Variants in SRP68 observed in about 807,000 individuals in gnomAD.
SRP68 encodes the protein signal recognition particle 68, also known as signal recognition particle subunit SRP68.
Under a neutral mutation model 82.2 loss-of-function variants are expected in SRP68, and 15 were observed. The observed-to-expected ratio is 0.18, with a 90% CI of 0.12 to 0.28. The LOEUF is 0.28. SRP68 is among the 10% of genes least tolerant of loss of function. SRP68 has a pLI of 1.00. For missense variants in SRP68, 595 were observed against 780.5 expected, an observed-to-expected ratio of 0.76 and a Z score of 2.83; for synonymous variants, 261 against 292.6, an observed-to-expected ratio of 0.89 and a Z score of 1.10.
At chr17:76,062,800 T>G (rs1439635239) in intron 4 of SRP68, among the ~76,000 whole-genome samples, 2 of 124,714 alleles carry the variant, frequency 1.6e-5, no homozygotes, top group Non-Finnish European at 3.2e-5. Context: ...AGATGGAGTC[T>G]TGCTCTGTCC....
chr17:76,063,961 T>TCAAC lies in SRP68; in HGVS notation c.561+14_561+15insGTTG, dbSNP rs2066788130. 5 of 1,600,562 alleles carry TCAAC rather than the reference T, an allele frequency of 3.1e-6. No homozygotes were observed. The highest frequency in any genetic ancestry group is 3.4e-6 in the Non-Finnish European group (4 of 1,170,408). ...TAATCTCCACAATAAACAAGCTGAA[T>TCAAC]GTTGAGGTACTAACCTGAGCCTCTA... is the stretch of plus-strand genomic sequence containing the variant. On this transcript the variant is annotated intron_variant, in intron 4 of 15. Coordinates refer to ENST00000307877, the MANE Select transcript of SRP68 (RefSeq NM_014230.4).
chr17:76,050,169 G>A (rs2066660935), intron 9 of SRP68, among the ~76,000 whole-genome samples: 1 of 152,186 alleles, frequency 6.6e-6, no homozygotes, highest in South Asian at 2.1e-4. Flanking sequence ...TCCACCTGGA[G>A]ACAGAATTGG....
At chr17:76,045,054 T>G in intron 12 of SRP68, 1 of 389,092 alleles carries the variant, frequency 2.6e-6, no homozygotes, top group Non-Finnish European at 4.6e-6. Flanking sequence ...GAAGCCAAGT[T>G]TAACGTGTGT....
At chr17:76,054,617 C>T (rs545607355) in intron 8 of SRP68, among the ~76,000 whole-genome samples, 1 of 151,996 alleles carries the variant, frequency 6.6e-6, no homozygotes, top group East Asian at 1.9e-4. Flanking sequence ...TTTGGGAGGC[C>T]GAGGCGGGTG....
chr17:76,063,577 A>G (rs1206402734), intron 4 of SRP68, among the ~76,000 whole-genome samples: 5 of 151,720 alleles, frequency 3.3e-5, no homozygotes, highest in Non-Finnish European at 7.4e-5. Context: ...AATCCCACCT[A>G]CTCGGGAGGC....
At chr17:76,039,963 G>A (rs1407699930) in intron 15 of SRP68, 30 bp from the exon 16 acceptor site, 1 of 1,606,448 alleles carries the variant, frequency 6.2e-7, no homozygotes, top group Non-Finnish European at 8.5e-7. Context: ...GACGTATGTA[G>A]CATCGGTCAC....
chr17:76,059,854 G>A (rs1039288312), intron 7 of SRP68, among the ~76,000 whole-genome samples: 3 of 150,470 alleles, frequency 2.0e-5, no homozygotes, highest in African/African-American at 4.9e-5. Flanking sequence ...GGCCGGGCGC[G>A]GTGGCTCATG....
rs1230112139 is a variant in SRP68, at chr17:76,039,343, C to A, written c.*363G>T. ...ATGAGTTCATTTCAAATCCATGGTA[C>A]TGAAGAAGCATGACAAAGCGTTTCA... On this transcript the variant is annotated 3_prime_UTR_variant, in exon 16 of 16. Coordinates refer to ENST00000307877, the MANE Select transcript of SRP68 (RefSeq NM_014230.4). 2.1e-6 allele frequency: 1 copy of A among 479,788 alleles called. No individual in the cohort carries two copies. Among genetic ancestry groups the A allele is most frequent in the Non-Finnish European group, 4.1e-6 (1 of 242,886 alleles). 29.7% of individuals were successfully genotyped at this position (479,788 alleles called of 1,614,324 possible). A position where few individuals can be genotyped will look rare whatever the true frequency, so the allele number is the denominator to read the frequency against.
rs191968491 is a variant in SRP68, at chr17:76,039,035, C to T, written c.*671G>A. On this transcript the variant is annotated 3_prime_UTR_variant, in exon 16 of 16. Coordinates refer to ENST00000307877, the MANE Select transcript of SRP68 (RefSeq NM_014230.4). ...GTTACACTTGACCTCACCGGCTTCA[C>T]GCAACTAGGCTCCCGAGGAGAGAAC... The T allele has an allele frequency of 3.4e-4, 73 of 214,434 alleles. No homozygotes were observed. The highest frequency in any genetic ancestry group is 6.2e-4 in the Non-Finnish European group (64 of 102,652). 13.3% of individuals were successfully genotyped at this position (214,434 alleles called of 1,614,324 possible). A position where few individuals can be genotyped will look rare whatever the true frequency, so the allele number is the denominator to read the frequency against.
rs1442193720 is a variant in SRP68, at chr17:76,039,265, G to A, written c.*441C>T. On this transcript the variant is annotated 3_prime_UTR_variant, in exon 16 of 16. Transcript: ENST00000307877. ...CCGTAATTCTGGGGTGACGTTGCCA[G>A]TTTCATAGTCATAGATAAACTTCTC... 4.4e-6 allele frequency: 2 copies of A among 452,826 alleles called. No homozygotes were observed. The highest frequency in any genetic ancestry group is 8.9e-6 in the Non-Finnish European group (2 of 224,392). The allele number at this position is 452,826 out of a possible 1,614,324, so 28.1% of individuals were successfully genotyped here.
chr17:76,062,453 A>C (rs2066759461), intron 4 of SRP68, among the ~76,000 whole-genome samples: 1 of 132,692 alleles, frequency 7.5e-6, no homozygotes, highest in South Asian at 2.2e-4. Flanking sequence ...CTTTCTAAAA[A>C]ACAAACAAAA....
At chr17:76,060,668 T>C (rs2066746417) in intron 6 of SRP68, 2 of 390,976 alleles carry the variant, frequency 5.1e-6, no homozygotes, top group African/African-American at 2.1e-5. Flanking sequence ...ATGTAAACTA[T>C]GGACTTTGGG....
Position 76,062,801 on chromosome 17 carries a change from T to C in SRP68, c.561+1175A>G, listed in dbSNP as rs551386470. ...ATATATTTTTTTTGAGATGGAGTCT[T>C]GCTCTGTCCCCCAGGCTGGAGCGCA... On this transcript the variant is annotated intron_variant, in intron 4 of 15. Coordinates refer to ENST00000307877, the MANE Select transcript of SRP68 (RefSeq NM_014230.4). Among the ~76,000 whole-genome samples the C allele has an allele frequency of 3.1e-4, 38 of 121,694 alleles. No individual in the cohort carries two copies. The East Asian group carries it at 6.7e-3, about 21-fold the overall frequency. 79.8% of individuals were successfully genotyped at this position (121,694 alleles called of 152,430 possible). A position where few individuals can be genotyped will look rare whatever the true frequency, so the allele number is the denominator to read the frequency against.
In SRP68 at chr17:76,071,945, G is replaced by A. The variant is rs1030814735; in HGVS notation, c.184+363C>T. The A allele has an allele frequency of 2.8e-6, 1 of 352,352 alleles. No individual in the cohort carries two copies. The highest frequency in any genetic ancestry group is 5.2e-6 in the Non-Finnish European group (1 of 192,800). 21.8% of individuals were successfully genotyped at this position (352,352 alleles called of 1,614,324 possible). A position where few individuals can be genotyped will look rare whatever the true frequency, so the allele number is the denominator to read the frequency against. On this transcript the variant is annotated intron_variant, in intron 1 of 15. Coordinates refer to ENST00000307877, the MANE Select transcript of SRP68 (RefSeq NM_014230.4). This position sits in a 1 kb window ranked among gnomAD's most constrained non-coding sequence, Gnocchi z 4.7. ...GTCAGACAAGAGTATTAAGCCAAAT[G>A]TCAAGACTGCAGTTTCCTCTCCCCA... is the stretch of plus-strand genomic sequence containing the variant.
rs1228286844 is a variant in SRP68 at position 76,072,487 on chromosome 17, G to A, written c.5C>T (p.Ala2Val). The change falls in exon 1 of 16, where the codon GCT becomes GTT. Residue 2 changes from alanine to valine, a missense_variant. By Grantham distance (64) the Ala-to-Val change is moderately conservative (BLOSUM62 0). Around this residue, in one of 2 missense-constraint regions of SRP68, gnomAD observed 100 missense variants for 91.9 expected, o/e 1.09. Coordinates refer to ENST00000307877, the MANE Select transcript of SRP68 (RefSeq NM_014230.4). The surrounding 1 kb of genome is among the most constrained non-coding windows in gnomAD (Gnocchi z 4.5). ...GCCGCCTGGGACCTGCTTCTCAGCAGCCATCTTGCCCCTGCGCCGCAGAGC... is the reference window on the plus strand; with the variant it reads ...GCCGCCTGGGACCTGCTTCTCAGCAACCATCTTGCCCCTGCGCCGCAGAGC... M[A>V]AEKQVPGGGG... 2 of 1,583,364 alleles carry A rather than the reference G, an allele frequency of 1.3e-6. No individual in the cohort carries two copies. Among genetic ancestry groups the A allele is most frequent in the African/African-American group, 2.7e-5 (2 of 74,076 alleles).
At chr17:76,042,781 C>T (rs867680137) in intron 13 of SRP68, among the ~76,000 whole-genome samples, 7 of 152,056 alleles carry the variant, frequency 4.6e-5, no homozygotes, top group South Asian at 4.1e-4. Context: ...GACAGAGTTT[C>T]GCCATGTTGC....
intron 14 of SRP68, 173 bp downstream of exon 14, chr17:76,040,730 C>T (rs1041564156): frequency 5.8e-6 from 4 of 687,538 alleles, no homozygotes; most frequent in South Asian, 1.8e-5. Context: ...ACAGTGCACT[C>T]GAAATGCTTC....
intron 6 of SRP68, 97 bp downstream of exon 6, chr17:76,061,012 GA>G: frequency 1.3e-6 from 1 of 790,196 alleles, no homozygotes; most frequent in Admixed American, 2.2e-5. Context: ...AAGCGAAGAA[GA>G]AAGTTACATC....
At chr17:76,043,111 A>G (rs2066603532) in intron 13 of SRP68, among the ~76,000 whole-genome samples, 1 of 151,944 alleles carries the variant, frequency 6.6e-6, no homozygotes, top group South Asian at 2.1e-4. Context: ...CAAAAAAATA[A>G]AAATTGGCCT....
Sources: gnomAD v4.1 joint callset for allele counts (sites outside exome capture counted in the v4.1 genomes callset) on GRCh38, gnomAD v4.1.1 for gene constraint, gnomAD v4.1.1 regional missense constraint, Gnocchi (gnomAD v3.1) non-coding constraint, MANE v1.5 for transcripts, NCBI Gene and HGNC (gene_info 2026-07-23, HGNC 2026-07-21) for gene names.